Variants in PRND observed in about 807,000 individuals in gnomAD.
PRND encodes prion like protein doppel.
For missense variants in PRND, 227 were observed against 223.3 expected (o/e 1.02, Z -0.11); for synonymous variants, 94 against 93.2 (o/e 1.01, Z -0.05).
At chr20:4,722,899 C>T (rs73072160) in intron 1 of PRND, among the ~76,000 whole-genome samples, 5,317 of 151,770 alleles carry the variant, frequency 0.035, 133 homozygotes, top group Non-Finnish European at 0.053. Flanking sequence ...ATTCAGGAGC[C>T]GAATGTGACA....
In PRND at chr20:4,724,472, A is replaced by G; in HGVS notation, c.-11-69A>G. 1 of 1,567,312 alleles carries G rather than the reference A, an allele frequency of 6.4e-7. No individual in the cohort carries two copies. The highest frequency in any genetic ancestry group is 1.7e-5 in the Admixed American group (1 of 59,984). On this transcript the variant is annotated intron_variant, in intron 1 of 1. Coordinates refer to ENST00000305817, the MANE Select transcript of PRND (RefSeq NM_012409.4). This position sits in a 1 kb window ranked among gnomAD's most constrained non-coding sequence, Gnocchi z 4.8. ...CGATTCCTTCCTTAAAATCTCCTGC[A>G]CTTGGGAGGGGGCAGGGGAGCCCAG...
rs887907958 is a variant in PRND at position 4,725,307 on chromosome 20, G to A, written c.*225G>A. 3.2e-5 allele frequency: 18 copies of A among 568,494 alleles called. No individual in the cohort carries two copies. Among genetic ancestry groups the A allele is most frequent in the Middle Eastern group, 9.4e-4 (2 of 2,138 alleles). The allele number at this position is 568,494 out of a possible 1,614,324, so 35.2% of individuals were successfully genotyped here. A position where few individuals can be genotyped will look rare whatever the true frequency, so the allele number is the denominator to read the frequency against. On this transcript the variant is annotated 3_prime_UTR_variant, in exon 2 of 2. Coordinates refer to ENST00000305817, the MANE Select transcript of PRND (RefSeq NM_012409.4). ...CTCCATTCTCAGCCCCTAGCAGAGCGTCTGGCACACTAGATTAGTAGTAAA... is the reference window on the plus strand; with the variant it reads ...CTCCATTCTCAGCCCCTAGCAGAGCATCTGGCACACTAGATTAGTAGTAAA...
rs1433091800 is a variant in PRND at position 4,724,957 on chromosome 20, G to A, written c.406G>A (p.Val136Ile). The A allele has an allele frequency of 3.1e-6, 5 of 1,614,130 alleles. No individual in the cohort carries two copies. The East Asian group carries it at 8.9e-5, about 29-fold the overall frequency. Residue 136 changes from valine (V) to isoleucine (I), a missense_variant, in exon 2 of 2, where the codon GTC becomes ATC. Transcript: ENST00000305817. The surrounding 1 kb of genome is among the most constrained non-coding windows in gnomAD (Gnocchi z 4.8). The part of the protein sequence containing the change: ...KLHQQVLWRL[V>I]QELCSLKHCE... ...CCACCAGCAGGTGCTCTGGCGGCTG[G>A]TCCAGGAGCTCTGCTCCCTCAAGCA...
rs1923271142 is a variant in PRND, at chr20:4,726,465, T to C, written c.*1383T>C. 1 of 167,074 alleles carries C rather than the reference T, an allele frequency of 6.0e-6. No individual in the cohort carries two copies. Among genetic ancestry groups the C allele is most frequent in the Admixed American group, 6.5e-5 (1 of 15,290 alleles). The allele number at this position is 167,074 out of a possible 1,614,324, so 10.3% of individuals were successfully genotyped here. ...GTCTTTAGGGAGACCCAATAAAGAATGCAATCCATGCCATAAGCAGGAGTT... is the reference window on the plus strand; with the variant it reads ...GTCTTTAGGGAGACCCAATAAAGAACGCAATCCATGCCATAAGCAGGAGTT... On this transcript the variant is annotated 3_prime_UTR_variant, in exon 2 of 2. Coordinates refer to ENST00000305817, the MANE Select transcript of PRND (RefSeq NM_012409.4).
Position 4,724,869 on chromosome 20 carries a change from C to G in PRND, c.318C>G (p.Thr106=). ...ATGTGACCAAGGAGGCATTTGTCACCGGCTGCATCAATGCCACCCAGGCGG... is the reference window on the plus strand; with the variant it reads ...ATGTGACCAAGGAGGCATTTGTCACGGGCTGCATCAATGCCACCCAGGCGG... ...EANVTKEAFV[T]GCINATQAAN... The change falls in exon 2 of 2, where the codon ACC becomes ACG. Residue 106 remains threonine (T), a synonymous_variant. Coordinates refer to ENST00000305817, the MANE Select transcript of PRND (RefSeq NM_012409.4). This position sits in a 1 kb window ranked among gnomAD's most constrained non-coding sequence, Gnocchi z 4.8. The G allele has an allele frequency of 1.2e-6, 2 of 1,614,208 alleles. No individual in the cohort carries two copies. The highest frequency in any genetic ancestry group is 1.7e-6 in the Non-Finnish European group (2 of 1,180,044).
rs546958358 is a variant in PRND at position 4,726,104 on chromosome 20, C to T, written c.*1022C>T. ...TGAACTCCTGACCTCAGGTGATCCA[C>T]CCACCTGGGCCTCCCATAGTGCTGG... On this transcript the variant is annotated 3_prime_UTR_variant, in exon 2 of 2. Transcript: ENST00000305817. The T allele has an allele frequency of 6.0e-5, 9 of 151,034 alleles. No homozygotes were observed. The highest frequency in any genetic ancestry group is 1.0e-4 in the Non-Finnish European group (7 of 67,644). 9.4% of individuals were successfully genotyped at this position (151,034 alleles called of 1,614,324 possible).
intron 1 of PRND, among the ~76,000 whole-genome samples, chr20:4,722,641 T>G (rs1923136539): frequency 6.6e-6 from 1 of 151,992 alleles, no homozygotes; most frequent in African/African-American, 2.4e-5. Flanking sequence ...AGAGGAACAT[T>G]AGCCACTTTT....
At position 4,724,559 on chromosome 20, in the gene PRND, A is replaced by G; in HGVS notation, c.8A>G (p.Lys3Arg). Residue 3 changes from lysine to arginine, a missense_variant, in exon 2 of 2, where the codon AAG (lysine) becomes AGG (arginine). Transcript: ENST00000305817. The surrounding 1 kb of genome is among the most constrained non-coding windows in gnomAD (Gnocchi z 4.8). Reference protein sequence around the residue: MRKHLSWWWLATV... With the variant: MRRHLSWWWLATV... ...CTGGCAGGTTCTGACGCGATGAGGA[A>G]GCACCTGAGCTGGTGGTGGCTGGCC... The G allele has an allele frequency of 1.9e-6, 3 of 1,613,980 alleles. No individual in the cohort carries two copies. Among genetic ancestry groups the G allele is most frequent in the Non-Finnish European group, 2.5e-6 (3 of 1,180,032 alleles).
At position 4,726,570 on chromosome 20, in the gene PRND, G is replaced by A. The variant is rs922498067; in HGVS notation, c.*1488G>A. 1 of 167,046 alleles carries A rather than the reference G, an allele frequency of 6.0e-6. No homozygotes were observed. Among genetic ancestry groups the A allele is most frequent in the South Asian group, 2.1e-4 (1 of 4,830 alleles). The allele number at this position is 167,046 out of a possible 1,614,324, so 10.3% of individuals were successfully genotyped here. A position where few individuals can be genotyped will look rare whatever the true frequency, so the allele number is the denominator to read the frequency against. On this transcript the variant is annotated 3_prime_UTR_variant, in exon 2 of 2. Coordinates refer to ENST00000305817, the MANE Select transcript of PRND (RefSeq NM_012409.4). ...AGATCTGTTTTAAATTTAAAACAAT[G>A]AATTGAATGCTCTAAGAGGCTCCTA...
chr20:4,727,793 C>CTTT lies in PRND; in HGVS notation c.*2719_*2721dup, dbSNP rs59537500. Reference sequence around the variant, plus strand: ...AATGCTTTCTACTCATTTTTCTATACTTTTTTTTTTGAGGCAGAGTCTCAT... The same window carrying CTTT: ...AATGCTTTCTACTCATTTTTCTATACTTTTTTTTTTTTTGAGGCAGAGTCTCAT... On this transcript the variant is annotated 3_prime_UTR_variant, in exon 2 of 2. Coordinates refer to ENST00000305817, the MANE Select transcript of PRND (RefSeq NM_012409.4). 6.0e-4 allele frequency: 86 copies of CTTT among 143,696 alleles called. 2 individuals are homozygous for CTTT. The highest frequency in any genetic ancestry group is 1.4e-3 in the African/African-American group (46 of 33,830). The allele number at this position is 143,696 out of a possible 1,614,324, so 8.9% of individuals were successfully genotyped here. A position where few individuals can be genotyped will look rare whatever the true frequency, so the allele number is the denominator to read the frequency against.
At chr20:4,722,538 G>A (rs796301010) in intron 1 of PRND, among the ~76,000 whole-genome samples, 11 of 151,956 alleles carry the variant, frequency 7.2e-5, no homozygotes, top group African/African-American at 2.7e-4. Flanking sequence ...TTCTAGAGAT[G>A]ACTGGATGTG....
rs1923330292 is a variant in PRND, at chr20:4,727,981, T to G, written c.*2899T>G. Reference sequence around the variant, plus strand: ...TTTTGTATTTTTAGTAGAGACAGTGTTTTGCCATGTTGGCCAGGCTGGTCT... The same window carrying G: ...TTTTGTATTTTTAGTAGAGACAGTGGTTTGCCATGTTGGCCAGGCTGGTCT... On this transcript the variant is annotated 3_prime_UTR_variant, in exon 2 of 2. Coordinates refer to ENST00000305817, the MANE Select transcript of PRND (RefSeq NM_012409.4). The G allele has an allele frequency of 1.2e-5, 2 of 160,706 alleles. No individual in the cohort carries two copies. The highest frequency in any genetic ancestry group is 2.4e-5 in the African/African-American group (1 of 41,398). 10.0% of individuals were successfully genotyped at this position (160,706 alleles called of 1,614,324 possible). A position where few individuals can be genotyped will look rare whatever the true frequency, so the allele number is the denominator to read the frequency against.
intron 1 of PRND, among the ~76,000 whole-genome samples, chr20:4,723,332 T>C (rs1002199675): frequency 5.3e-5 from 8 of 152,188 alleles, no homozygotes; most frequent in Non-Finnish European, 1.2e-4. Flanking sequence ...AGAATTAAGT[T>C]AGGCAATGTC....
intron 1 of PRND, among the ~76,000 whole-genome samples, chr20:4,723,522 T>C (rs1205554831): frequency 1.3e-5 from 2 of 152,194 alleles, no homozygotes; most frequent in African/African-American, 4.8e-5. Context: ...TTTCCCTTCC[T>C]TCCTCCTCCT....
Position 4,725,235 on chromosome 20 carries a change from G to A in PRND, c.*153G>A, listed in dbSNP as rs1021415356. The A allele has an allele frequency of 2.2e-6, 2 of 911,758 alleles. No homozygotes were observed. Among genetic ancestry groups the A allele is most frequent in the Admixed American group, 2.3e-5 (1 of 42,766 alleles). The allele number at this position is 911,758 out of a possible 1,614,324, so 56.5% of individuals were successfully genotyped here. ...ATGCCGCTCTCACGTATGCGCCCTG[G>A]TATGTGCCTGCGTTCTGATAGATGG... On this transcript the variant is annotated 3_prime_UTR_variant, in exon 2 of 2. Coordinates refer to ENST00000305817, the MANE Select transcript of PRND (RefSeq NM_012409.4).
Position 4,728,358 on chromosome 20 carries a change from T to C in PRND, c.*3276T>C, listed in dbSNP as rs893665860. 2 of 167,148 alleles carry C rather than the reference T, an allele frequency of 1.2e-5. No homozygotes were observed. Among genetic ancestry groups the C allele is most frequent in the African/African-American group, 4.8e-5 (2 of 41,470 alleles). 10.4% of individuals were successfully genotyped at this position (167,148 alleles called of 1,614,324 possible). A position where few individuals can be genotyped will look rare whatever the true frequency, so the allele number is the denominator to read the frequency against. On this transcript the variant is annotated 3_prime_UTR_variant, in exon 2 of 2. Transcript: ENST00000305817. ...TGGATTGCTACGTAATCTCACTTAA[T>C]ACAGATGTATCATGATTGATTGAAT... is the stretch of plus-strand genomic sequence containing the variant.
At position 4,726,066 on chromosome 20, in the gene PRND, G is replaced by C. The variant is rs1043025399; in HGVS notation, c.*984G>C. On this transcript the variant is annotated 3_prime_UTR_variant, in exon 2 of 2. Coordinates refer to ENST00000305817, the MANE Select transcript of PRND (RefSeq NM_012409.4). ...GTAGAGACAGGGTTTCACCATGTTG[G>C]CCAGGCTGGTCTTGAACTCCTGACC... 1 of 153,108 alleles carries C rather than the reference G, an allele frequency of 6.5e-6. No individual in the cohort carries two copies. Among genetic ancestry groups the C allele is most frequent in the Non-Finnish European group, 1.5e-5 (1 of 67,942 alleles). 9.5% of individuals were successfully genotyped at this position (153,108 alleles called of 1,614,324 possible).
At chr20:4,722,178 T>C (rs1275463376) in intron 1 of PRND, among the ~76,000 whole-genome samples, 3 of 152,196 alleles carry the variant, frequency 2.0e-5, no homozygotes, top group Non-Finnish European at 4.4e-5. Flanking sequence ...GGTTTGTGGG[T>C]TGGGATTTTG....
chr20:4,722,923 T>G (rs6076723), intron 1 of PRND, among the ~76,000 whole-genome samples: 55,401 of 151,346 alleles, frequency 0.37, 10,253 homozygotes, highest in South Asian at 0.52. Flanking sequence ...AACCTTAAGG[T>G]GTGGGGTGAG....
Sources: gnomAD v4.1 joint callset for allele counts (sites outside exome capture counted in the v4.1 genomes callset) on GRCh38, gnomAD v4.1.1 for gene constraint, Gnocchi (gnomAD v3.1) non-coding constraint, MANE v1.5 for transcripts, NCBI Gene and HGNC (gene_info 2026-07-23, HGNC 2026-07-21) for gene names.